PCED1B: variants seen among roughly 807,000 people sequenced by gnomAD.
The protein encoded by PCED1B is PC-esterase domain containing 1B.
For missense variants in PCED1B, 573 were observed against 573.9 expected (o/e 1.00, Z 0.02); for synonymous variants, 251 against 246.1 (o/e 1.02, Z -0.19).
intron 2 of PCED1B, among the ~76,000 whole-genome samples, chr12:47,184,664 C>CT (rs1491476865): frequency 7.2e-6 from 1 of 139,008 alleles, no homozygotes; most frequent in African/African-American, 2.7e-5. Context: ...ACCAAAGACA[C>CT]TAAAAAAAAA....
At chr12:47,230,021 G>T (rs1037745225) in intron 3 of PCED1B, among the ~76,000 whole-genome samples, 15 of 149,858 alleles carry the variant, frequency 1.0e-4, no homozygotes, top group African/African-American at 3.7e-4. Context: ...TGATCTGCCC[G>T]CCTCAGCCTC....
At chr12:47,201,740 A>C (rs1565598235) in intron 2 of PCED1B, among the ~76,000 whole-genome samples, 1 of 152,100 alleles carries the variant, frequency 6.6e-6, no homozygotes. Context: ...CTGAGACTAC[A>C]GGTGTGCACA....
chr12:47,135,892 T>G, intron 2 of PCED1B: 1 of 294,162 alleles, frequency 3.4e-6, no homozygotes, highest in Non-Finnish European at 6.9e-6. Context: ...GTTTGGACAG[T>G]GTGGTTCATG....
chr12:47,089,258 C>T (rs1023052925), intron 1 of PCED1B, among the ~76,000 whole-genome samples: 7 of 151,472 alleles, frequency 4.6e-5, no homozygotes, highest in African/African-American at 7.3e-5. Context: ...CTGGCTAACA[C>T]GGTGAAACCG....
At chr12:47,229,519 C>T (rs780791887) in intron 3 of PCED1B, among the ~76,000 whole-genome samples, 34 of 152,070 alleles carry the variant, frequency 2.2e-4, no homozygotes, top group African/African-American at 3.6e-4. Flanking sequence ...GATGCCCATA[C>T]GTAGGCTGGG....
intron 2 of PCED1B, among the ~76,000 whole-genome samples, chr12:47,146,064 C>T (rs1940772043): frequency 6.6e-6 from 1 of 152,106 alleles, no homozygotes; most frequent in Non-Finnish European, 1.5e-5. Flanking sequence ...GTCAAAATAT[C>T]AACATTAACA....
At chr12:47,132,959 G>A (rs1473562950) in intron 2 of PCED1B, among the ~76,000 whole-genome samples, 1 of 152,126 alleles carries the variant, frequency 6.6e-6, no homozygotes, top group Non-Finnish European at 1.5e-5. Flanking sequence ...TCATAACACT[G>A]ATACATAGTT....
intron 2 of PCED1B, among the ~76,000 whole-genome samples, chr12:47,124,168 A>G (rs532650365): frequency 6.6e-6 from 1 of 152,034 alleles, no homozygotes; most frequent in African/African-American, 2.4e-5. Context: ...TGTCCCTAAC[A>G]GTCCCTCCTT....
intron 2 of PCED1B, among the ~76,000 whole-genome samples, chr12:47,198,353 A>G (rs990490394): frequency 2.6e-5 from 4 of 152,236 alleles, no homozygotes; most frequent in African/African-American, 9.6e-5. Context: ...ACTCATTCAT[A>G]GTTTAGAGAA....
chr12:47,162,167 T>C (rs972664525), intron 2 of PCED1B, among the ~76,000 whole-genome samples: 30 of 151,770 alleles, frequency 2.0e-4, no homozygotes, highest in African/African-American at 6.5e-4. Context: ...ATGTAAATGA[T>C]GAATTAATGG....
At chr12:47,165,223 G>C (rs1941507408) in intron 2 of PCED1B, among the ~76,000 whole-genome samples, 1 of 152,168 alleles carries the variant, frequency 6.6e-6, no homozygotes, top group African/African-American at 2.4e-5. Context: ...ATGCAGTATA[G>C]AACAAACCCA....
At chr12:47,169,238 T>G (rs1017936441) in intron 2 of PCED1B, among the ~76,000 whole-genome samples, 2 of 152,208 alleles carry the variant, frequency 1.3e-5, no homozygotes, top group Non-Finnish European at 2.9e-5. Flanking sequence ...TGAGCTAGGA[T>G]AGCAAACTGG....
intron 2 of PCED1B, among the ~76,000 whole-genome samples, chr12:47,178,481 G>A (rs1941994397): frequency 6.6e-6 from 1 of 152,136 alleles, no homozygotes; most frequent in Non-Finnish European, 1.5e-5. Flanking sequence ...GATAACATCA[G>A]GCTTATGCTT....
At chr12:47,166,450 A>C (rs1941547971) in intron 2 of PCED1B, among the ~76,000 whole-genome samples, 1 of 152,222 alleles carries the variant, frequency 6.6e-6, no homozygotes, top group Non-Finnish European at 1.5e-5. Flanking sequence ...CATTTAGCCA[A>C]AAACTTGAGC....
intron 2 of PCED1B, among the ~76,000 whole-genome samples, chr12:47,119,743 T>C (rs903992330): frequency 2.0e-5 from 3 of 151,632 alleles, no homozygotes; most frequent in East Asian, 1.9e-4. Context: ...CTTTGGGAGG[T>C]TGAGGCGTGT....
chr12:47,135,763 G>A, intron 2 of PCED1B: 1 of 528,644 alleles, frequency 1.9e-6, no homozygotes, highest in South Asian at 1.4e-5. Flanking sequence ...CTGCAGATGT[G>A]GATCATGGTG....
chr12:47,082,108 ATT>A (rs1245831942), intron 1 of PCED1B, among the ~76,000 whole-genome samples: 1 of 152,212 alleles, frequency 6.6e-6, no homozygotes, highest in Non-Finnish European at 1.5e-5. Flanking sequence ...ACGTGACCTT[ATT>A]TTGTGGAGGA....
At chr12:47,118,356 C>T (rs866904125) in intron 2 of PCED1B, among the ~76,000 whole-genome samples, 4 of 152,192 alleles carry the variant, frequency 2.6e-5, no homozygotes, top group Middle Eastern at 3.4e-3. Context: ...CCATCTTGAA[C>T]TAATTTTTGT....
At chr12:47,229,924 C>T (rs1409579097) in intron 3 of PCED1B, among the ~76,000 whole-genome samples, 1 of 151,546 alleles carries the variant, frequency 6.6e-6, no homozygotes. Flanking sequence ...CACCCGCCAC[C>T]ACACCCGGCT....
Sources: allele counts gnomAD v4.1 joint callset (sites outside exome capture counted in the v4.1 genomes callset), GRCh38; gene constraint gnomAD v4.1.1; transcripts MANE v1.5; gene names NCBI Gene and HGNC (gene_info 2026-07-23, HGNC 2026-07-21).